The following RANBP2 variants were observed in gnomAD, a reference collection of about 807,000 sequenced individuals.
RANBP2 encodes the protein E3 SUMO-protein ligase RanBP2.
A neutral mutation model predicts 303.6 loss-of-function variants in RANBP2; 57 were observed. That is an observed-to-expected ratio of 0.19 (90% CI 0.15 to 0.23). The LOEUF is 0.23. RANBP2 is among the 10% of genes least tolerant of loss of function. The pLI is 1.00. For synonymous variants in RANBP2, 1,167 were observed against 1,301.5 expected (o/e 0.90, Z 2.23); for missense variants, 3,138 against 3,780.8 (o/e 0.83, Z 4.46).
chr2:109,253,445 G>A, the RANBP2 span, among the ~76,000 whole-genome samples: 1 of 152,172 alleles, frequency 6.6e-6, no homozygotes, highest in Non-Finnish European at 1.5e-5. Context: ...CTGCTTTCCG[G>A]GTGGGCTGGT....
the RANBP2 span, among the ~76,000 whole-genome samples, chr2:109,201,889 A>G: frequency 6.6e-6 from 1 of 152,222 alleles, no homozygotes; most frequent in Non-Finnish European, 1.5e-5. Context: ...CCTCCTACCA[A>G]TGAGTCTGAC....
At position 108,763,523 on chromosome 2, in the gene RANBP2, A is replaced by G. The variant is rs1268757106; in HGVS notation, c.2984A>G (p.Glu995Gly). 1 of 1,614,152 alleles carries G rather than the reference A, an allele frequency of 6.2e-7. No homozygotes were observed. Among genetic ancestry groups the G allele is most frequent in the African/African-American group, 1.3e-5 (1 of 75,042 alleles). Residue 995 changes from glutamate to glycine, a missense_variant, in exon 20 of 29, where the codon GAA becomes GGA. Physicochemically the swap from Glu to Gly is moderately conservative, Grantham distance 98. Transcript: ENST00000283195. The stretch of plus-strand genomic sequence containing the variant: ...GCAGCTCATGCTTCAAGATCTGCAG[A>G]ATCTAAGACTATAGAATTTGGGAAA... Reference protein sequence around the residue: ...PIAAHASRSAESKTIEFGKTN... With the variant: ...PIAAHASRSAGSKTIEFGKTN...
At chr2:108,959,704 G>A in the RANBP2 span, among the ~76,000 whole-genome samples, 3 of 151,966 alleles carry the variant, frequency 2.0e-5, no homozygotes, top group African/African-American at 7.3e-5. Context: ...GTGGGCAGTG[G>A]AGATTTCGCC....
chr2:109,633,689 C>T, the RANBP2 span, among the ~76,000 whole-genome samples: 1 of 152,046 alleles, frequency 6.6e-6, no homozygotes, highest in South Asian at 2.1e-4. Context: ...CAAAATAAAG[C>T]CAAGATAAAA....
At chr2:109,496,602 G>A in the RANBP2 span, among the ~76,000 whole-genome samples, 1 of 152,196 alleles carries the variant, frequency 6.6e-6, no homozygotes, top group Admixed American at 6.5e-5. Context: ...CTCCCCAGAT[G>A]TTCACATCGG....
At chr2:109,538,346 C>T in the RANBP2 span, among the ~76,000 whole-genome samples, 1 of 152,206 alleles carries the variant, frequency 6.6e-6, no homozygotes, top group Non-Finnish European at 1.5e-5. Flanking sequence ...CTGTGAAGTC[C>T]TGTTTGACAG....
At chr2:109,236,263 C>A in the RANBP2 span, among the ~76,000 whole-genome samples, 3 of 152,120 alleles carry the variant, frequency 2.0e-5, no homozygotes, top group African/African-American at 7.2e-5. Context: ...GACCAAATTC[C>A]CCTCGGTCCT....
chr2:109,055,758 CATT>C, the RANBP2 span, among the ~76,000 whole-genome samples: 26 of 90,568 alleles, frequency 2.9e-4, no homozygotes, highest in African/African-American at 7.5e-4. Flanking sequence ...ACAGCTCTAA[CATT>C]TTTTTTTTTT....
chr2:109,516,724 C>T, the RANBP2 span, among the ~76,000 whole-genome samples: 147 of 152,370 alleles, frequency 9.6e-4, 1 homozygote, highest in Non-Finnish European at 1.5e-3. Context: ...GCAGTGCAAG[C>T]GGGATCCCCT....
the RANBP2 span, among the ~76,000 whole-genome samples, chr2:109,191,979 C>T: frequency 2.6e-5 from 4 of 152,144 alleles, no homozygotes; most frequent in Non-Finnish European, 5.9e-5. Context: ...CACACTCCAG[C>T]CCCTACAAAC....
the RANBP2 span, among the ~76,000 whole-genome samples, chr2:109,583,358 A>ACAT: frequency 6.6e-6 from 1 of 152,220 alleles, no homozygotes; most frequent in Non-Finnish European, 1.5e-5. Flanking sequence ...AAAGACATGG[A>ACAT]CATACAAGCA....
chr2:109,621,305 A>C, the RANBP2 span, among the ~76,000 whole-genome samples: 2 of 152,024 alleles, frequency 1.3e-5, no homozygotes, highest in Non-Finnish European at 2.9e-5. Context: ...GTCGCGCGCC[A>C]CTACGCCCAG....
chr2:109,382,034 T>C, the RANBP2 span, among the ~76,000 whole-genome samples: 2 of 152,124 alleles, frequency 1.3e-5, no homozygotes, highest in African/African-American at 4.8e-5. Flanking sequence ...CCTCCATAAG[T>C]TGCTGAAACT....
At chr2:109,059,034 C>A in the RANBP2 span, among the ~76,000 whole-genome samples, 1 of 151,958 alleles carries the variant, frequency 6.6e-6, no homozygotes. Context: ...GAGAGAAGAT[C>A]GAGAGGAGAT....
At chr2:109,280,189 C>T in the RANBP2 span, among the ~76,000 whole-genome samples, 1 of 152,188 alleles carries the variant, frequency 6.6e-6, no homozygotes, top group Non-Finnish European at 1.5e-5. Flanking sequence ...TGTCAGTGGC[C>T]TGCACTAGTG....
chr2:109,564,659 A>T, the RANBP2 span: 84,261 of 791,186 alleles, frequency 0.11, 5,377 homozygotes, highest in African/African-American at 0.26. Flanking sequence ...GATCAGTTTG[A>T]TTAACAGCTA....
At chr2:109,088,657 G>A in the RANBP2 span, among the ~76,000 whole-genome samples, 6 of 151,888 alleles carry the variant, frequency 4.0e-5, no homozygotes, top group Non-Finnish European at 7.4e-5. Flanking sequence ...GACAATAGGC[G>A]TGCACCACCA....
the RANBP2 span, chr2:108,816,200 C>CAAAGTGATGGG: frequency 3.2e-6 from 3 of 936,536 alleles, no homozygotes; most frequent in South Asian, 1.7e-5. Context: ...TCTATAATCC[C>CAAAGTGATGGG]ATCACTTTGG....
chr2:109,614,265 A>AGTGGGC, the RANBP2 span: 3 of 613,214 alleles, frequency 4.9e-6, no homozygotes, highest in East Asian at 1.4e-4. Flanking sequence ...GGGGAGCGGA[A>AGTGGGC]GTGGGCGTGG....
Sources: allele counts gnomAD v4.1 joint callset (sites outside exome capture counted in the v4.1 genomes callset), GRCh38; gene constraint gnomAD v4.1.1; transcripts MANE v1.5; gene names NCBI Gene and HGNC (gene_info 2026-07-23, HGNC 2026-07-21).